MYH9: variants seen among roughly 807,000 people sequenced by gnomAD.
The protein encoded by MYH9 is myosin heavy chain 9, also known as myosin-9.
In MYH9, 29 loss-of-function variants were observed where a neutral mutation model predicts 241.9. The observed-to-expected ratio is 0.12, with a 90% CI of 0.09 to 0.16. MYH9 has a LOEUF of 0.16. MYH9 is among the 10% of genes least tolerant of loss of function. MYH9 has a pLI of 1.00. For missense variants in MYH9, 1,803 were observed against 2,595.5 expected, an observed-to-expected ratio of 0.69 and a Z score of 6.63; for synonymous variants, 1,047 against 1,062.6, an observed-to-expected ratio of 0.99 and a Z score of 0.29.
Position 36,293,525 on chromosome 22 carries a change from G to A in MYH9, c.3943-44C>T, listed in dbSNP as rs1193484659. ...GGGTGCGGGTGCTTAGGAGGGTGGT[G>A]TCCAAAACCCAGGAACCCCACACCC... On this transcript the variant is annotated intron_variant, in intron 29 of 40. Transcript: ENST00000216181. The surrounding 1 kb of genome is among the most constrained non-coding windows in gnomAD (Gnocchi z 5.1). The A allele has an allele frequency of 6.2e-7, 1 of 1,608,256 alleles. No homozygotes were observed. Among genetic ancestry groups the A allele is most frequent in the South Asian group, 1.1e-5 (1 of 91,056 alleles).
chr22:36,321,901 C>T, intron 6 of MYH9, 80 bp from the exon 7 acceptor site: 1 of 1,250,978 alleles, frequency 8.0e-7, no homozygotes, highest in Non-Finnish European at 1.2e-6. Context: ...CCACAGCCCC[C>T]CGCCCCACCT....
Position 36,293,616 on chromosome 22 carries a change from TG to T in MYH9, c.3943-136del. 1 of 1,400,960 alleles carries T rather than the reference TG, an allele frequency of 7.1e-7. No individual in the cohort carries two copies. The highest frequency in any genetic ancestry group is 1.0e-6 in the Non-Finnish European group (1 of 1,002,536). The allele number at this position is 1,400,960 out of a possible 1,614,324, so 86.8% of individuals were successfully genotyped here. A position where few individuals can be genotyped will look rare whatever the true frequency, so the allele number is the denominator to read the frequency against. On this transcript the variant is annotated intron_variant, in intron 29 of 40. Transcript: ENST00000216181. The surrounding 1 kb of genome is among the most constrained non-coding windows in gnomAD (Gnocchi z 5.1). ...GGCCACGTAAAGACCTGGAGGGAGC[TG>T]GGAGGACGCAGAGACCCACCCACAG...
In MYH9 at chr22:36,306,408, C is replaced by T; in HGVS notation, c.2037+6G>A. 3.1e-6 allele frequency: 5 copies of T among 1,614,026 alleles called. No homozygotes were observed. The highest frequency in any genetic ancestry group is 4.2e-6 in the Non-Finnish European group (5 of 1,180,018). The stretch of plus-strand genomic sequence containing the variant: ...CTGCCCGGGCCACCCCACCAGGCAG[C>T]CGCACCTTCTTCTCGTGGTTGGGGA... On this transcript the variant is annotated splice_donor_region_variant and intron_variant, in intron 16 of 40. Transcript: ENST00000216181. The surrounding 1 kb of genome is among the most constrained non-coding windows in gnomAD (Gnocchi z 4.1).
Position 36,292,118 on chromosome 22 carries a change from C to G in MYH9, c.4212G>C (p.Lys1404Asn). ...LEGLSQRHEE[K>N]VAAYDKLEKT... The stretch of plus-strand genomic sequence containing the variant: ...TCTCCAGCTTGTCGTAGGCGGCCAC[C>G]TTCTCCTCGTGCCGCTGGCTCAGGC... Residue 1404 changes from lysine to asparagine, a missense_variant, in exon 31 of 41, where the codon AAG becomes AAC. This residue lies in a region of MYH9 where 876 missense variants were observed against 1,077.8 expected (regional missense o/e 0.81). Coordinates refer to ENST00000216181, the MANE Select transcript of MYH9 (RefSeq NM_002473.6). 1 of 1,614,212 alleles carries G rather than the reference C, an allele frequency of 6.2e-7. No homozygotes were observed. Among genetic ancestry groups the G allele is most frequent in the Non-Finnish European group, 8.5e-7 (1 of 1,180,052 alleles).
At chr22:36,386,846 C>T (rs978283685) in intron 1 of MYH9, among the ~76,000 whole-genome samples, 5 of 152,258 alleles carry the variant, frequency 3.3e-5, no homozygotes, top group African/African-American at 1.2e-4. Flanking sequence ...GGGGTGAGGA[C>T]CCCAGCACAG....
intron 10 of MYH9, among the ~76,000 whole-genome samples, chr22:36,318,833 G>T (rs1056442695): frequency 2.0e-5 from 3 of 151,732 alleles, no homozygotes; most frequent in Admixed American, 6.6e-5. Flanking sequence ...GCGCGATTTC[G>T]GCTCACTGCA....
intron 25 of MYH9, among the ~76,000 whole-genome samples, chr22:36,296,080 A>G (rs894244422): frequency 1.4e-4 from 21 of 152,244 alleles, no homozygotes; most frequent in African/African-American, 4.8e-4. Context: ...TTAGATGGTT[A>G]TGACAGGTCA....
At position 36,309,276 on chromosome 22, in the gene MYH9, G is replaced by A. The variant is rs2017021961; in HGVS notation, c.1843+6C>T. On this transcript the variant is annotated splice_donor_region_variant and intron_variant, in intron 15 of 40. Transcript: ENST00000216181. ...GGAGGCAGGGGGCGAAGGGCAAAGG[G>A]CGTACCATCCTTCCACAGCTCCGAG... is the stretch of plus-strand genomic sequence containing the variant. The A allele has an allele frequency of 6.2e-7, 1 of 1,612,310 alleles. No homozygotes were observed. The highest frequency in any genetic ancestry group is 8.5e-7 in the Non-Finnish European group (1 of 1,178,478).
intron 3 of MYH9, among the ~76,000 whole-genome samples, chr22:36,334,151 T>C (rs1056944316): frequency 6.6e-6 from 1 of 151,954 alleles, no homozygotes; most frequent in African/African-American, 2.4e-5. Context: ...AACTGCAGAT[T>C]CCTCTTCTAG....
intron 3 of MYH9, among the ~76,000 whole-genome samples, chr22:36,338,405 G>A (rs890864035): frequency 3.3e-5 from 5 of 152,210 alleles, no homozygotes; most frequent in Admixed American, 2.6e-4. Context: ...AAACCTCTCA[G>A]ACTGAGGGTT....
intron 13 of MYH9, 110 bp from the exon 14 acceptor site, chr22:36,312,332 G>GGATTCA: frequency 1.8e-6 from 2 of 1,104,154 alleles, no homozygotes; most frequent in Non-Finnish European, 2.6e-6. Flanking sequence ...ACAGACGGTG[G>GGATTCA]GCGACACACT....
At chr22:36,290,139 G>A (rs549438590) in intron 31 of MYH9, among the ~76,000 whole-genome samples, 1 of 152,228 alleles carries the variant, frequency 6.6e-6, no homozygotes, top group South Asian at 2.1e-4. Flanking sequence ...TTAAAAGACA[G>A]TCAAACCGCA....
chr22:36,322,283 G>A, intron 6 of MYH9, 146 bp downstream of exon 6: 1 of 893,362 alleles, frequency 1.1e-6, no homozygotes, highest in Admixed American at 1.9e-5. Flanking sequence ...CATTCGGTCT[G>A]GCCTAGTCCA....
chr22:36,328,586 A>G (rs924456363), intron 3 of MYH9, among the ~76,000 whole-genome samples: 1 of 152,236 alleles, frequency 6.6e-6, no homozygotes, highest in Non-Finnish European at 1.5e-5. Flanking sequence ...GATTAGTTTG[A>G]AAAATAGAAA....
intron 1 of MYH9, among the ~76,000 whole-genome samples, chr22:36,364,110 T>A (rs1299129141): frequency 6.6e-6 from 1 of 152,202 alleles, no homozygotes; most frequent in East Asian, 1.9e-4. Flanking sequence ...TGCTGAGAAG[T>A]GCAACCAGAG....
intron 3 of MYH9, among the ~76,000 whole-genome samples, chr22:36,339,296 C>T (rs2017546630): frequency 6.6e-6 from 1 of 152,200 alleles, no homozygotes; most frequent in Non-Finnish European, 1.5e-5. Context: ...TACTCAGTAG[C>T]TCAGATCTCA....
chr22:36,379,366 G>A (rs933375476), intron 1 of MYH9, among the ~76,000 whole-genome samples: 4 of 152,132 alleles, frequency 2.6e-5, no homozygotes, highest in East Asian at 1.9e-4. Context: ...AAAATTAGCC[G>A]GGCGTGGTGG....
In MYH9 at chr22:36,288,513, T is replaced by C. The variant is rs1425817963; in HGVS notation, c.4771-100A>G. 4 of 1,514,198 alleles carry C rather than the reference T, an allele frequency of 2.6e-6. No homozygotes were observed. Among genetic ancestry groups the C allele is most frequent in the Non-Finnish European group, 3.6e-6 (4 of 1,104,774 alleles). The allele number at this position is 1,514,198 out of a possible 1,614,324, so 93.8% of individuals were successfully genotyped here. On this transcript the variant is annotated intron_variant, in intron 33 of 40. Coordinates refer to ENST00000216181, the MANE Select transcript of MYH9 (RefSeq NM_002473.6). The surrounding 1 kb of genome is among the most constrained non-coding windows in gnomAD (Gnocchi z 4.8). ...CCTCAGGCCAGTTCTGCAGGATCCA[T>C]GGGGCCTCGGGAAACCAGTGGGGAT...
intron 2 of MYH9, among the ~76,000 whole-genome samples, chr22:36,343,126 T>C (rs972276630): frequency 2.0e-5 from 3 of 152,122 alleles, no homozygotes; most frequent in African/African-American, 7.2e-5. Context: ...GAACCAGTCA[T>C]GAAGAGAAGG....
Sources: allele counts gnomAD v4.1 joint callset (sites outside exome capture counted in the v4.1 genomes callset), GRCh38; gene constraint gnomAD v4.1.1; regional missense constraint gnomAD v4.1.1; non-coding constraint Gnocchi (gnomAD v3.1); transcripts MANE v1.5; gene names NCBI Gene and HGNC (gene_info 2026-07-23, HGNC 2026-07-21).